SNX8: variants seen among roughly 807,000 people sequenced by gnomAD.
The protein encoded by SNX8 is sorting nexin-8.
Under a neutral mutation model 51.6 loss-of-function variants are expected in SNX8, and 25 were observed. That is an observed-to-expected ratio of 0.48 (90% CI 0.35 to 0.68). The LOEUF is 0.68. Among genes scored for constraint, SNX8 ranks in the 30% least tolerant of loss-of-function variants. The pLI is 0.00. For synonymous variants in SNX8, 324 were observed against 277.0 expected (o/e 1.17, Z -1.68); for missense variants, 695 against 624.0 (o/e 1.11, Z -1.21).
intron 1 of SNX8, among the ~76,000 whole-genome samples, chr7:2,287,361 A>C (rs1178279670): frequency 2.6e-5 from 4 of 151,874 alleles, no homozygotes; most frequent in African/African-American, 4.8e-5. Context: ...AGGTGGATCC[A>C]TTGAGTGAGG....
intron 1 of SNX8, among the ~76,000 whole-genome samples, chr7:2,329,885 T>C (rs1583116384): frequency 6.6e-6 from 1 of 151,122 alleles, no homozygotes; most frequent in Non-Finnish European, 1.5e-5. Context: ...TGGAGTGCAG[T>C]GGTGCGATCT....
At chr7:2,332,358 C>G (rs1180765827) in intron 1 of SNX8, among the ~76,000 whole-genome samples, 1 of 152,050 alleles carries the variant, frequency 6.6e-6, no homozygotes, top group Non-Finnish European at 1.5e-5. Context: ...ATCCTCAGTG[C>G]AGTTCTAGTC....
At chr7:2,303,036 C>T (rs1204058844) in intron 1 of SNX8, among the ~76,000 whole-genome samples, 6 of 151,448 alleles carry the variant, frequency 4.0e-5, no homozygotes, top group Non-Finnish European at 7.4e-5. Flanking sequence ...CCAGGCCAGC[C>T]GCCCCGTCCA....
intron 1 of SNX8, chr7:2,288,506 T>C (rs1319168215): frequency 2.3e-4 from 39 of 166,456 alleles, no homozygotes. Context: ...TCCCCTCCTC[T>C]CCCTTTCCCT....
chr7:2,333,016 C>T (rs563462019), intron 1 of SNX8, among the ~76,000 whole-genome samples: 1 of 151,994 alleles, frequency 6.6e-6, no homozygotes, highest in African/African-American at 2.4e-5. Context: ...CACCTATAGT[C>T]CCAACACTTT....
At chr7:2,333,256 C>T (rs1583119189) in intron 1 of SNX8, among the ~76,000 whole-genome samples, 1 of 151,906 alleles carries the variant, frequency 6.6e-6, no homozygotes. Flanking sequence ...ATAGTGAGGC[C>T]CCCTCTTTAC....
intron 1 of SNX8, among the ~76,000 whole-genome samples, chr7:2,343,431 C>T (rs1018539206): frequency 6.6e-6 from 1 of 151,634 alleles, no homozygotes; most frequent in Non-Finnish European, 1.5e-5. Flanking sequence ...ATCCCAGCAC[C>T]TTGGGAGGCC....
chr7:2,347,921 C>T (rs1389957753), intron 1 of SNX8, among the ~76,000 whole-genome samples: 3 of 151,958 alleles, frequency 2.0e-5, no homozygotes, highest in African/African-American at 4.8e-5. Flanking sequence ...AGATTACAGG[C>T]GTGAGCCACC....
At chr7:2,260,159 G>A (rs1329674058) in intron 7 of SNX8, among the ~76,000 whole-genome samples, 1 of 152,068 alleles carries the variant, frequency 6.6e-6, no homozygotes, top group Non-Finnish European at 1.5e-5. Context: ...GCAGTGGCAT[G>A]ATCTCAGCTC....
chr7:2,288,657 C>T (rs1017669646), intron 1 of SNX8, among the ~76,000 whole-genome samples: 1 of 152,106 alleles, frequency 6.6e-6, no homozygotes, highest in African/African-American at 2.4e-5. Flanking sequence ...AGCATCGATG[C>T]CCACTCAGAA....
At chr7:2,337,988 A>G (rs2115242817) in intron 1 of SNX8, among the ~76,000 whole-genome samples, 1 of 152,290 alleles carries the variant, frequency 6.6e-6, no homozygotes, top group Admixed American at 6.6e-5. Context: ...TCTGTATTTA[A>G]GGATCTAGCT....
intron 1 of SNX8, among the ~76,000 whole-genome samples, chr7:2,283,129 A>C (rs58789044): frequency 6.6e-6 from 1 of 152,094 alleles, no homozygotes; most frequent in Non-Finnish European, 1.5e-5. Context: ...TCAAAAAAAA[A>C]AAAAGAAACA....
intron 9 of SNX8, among the ~76,000 whole-genome samples, 161 bp downstream of exon 9, chr7:2,257,204 G>A (rs572186382): frequency 1.3e-5 from 2 of 152,162 alleles, no homozygotes; most frequent in African/African-American, 2.4e-5. Flanking sequence ...GAGCCGCATC[G>A]CTCTGGGCAC....
intron 1 of SNX8, chr7:2,310,030 G>A (rs1227031684): frequency 5.3e-6 from 2 of 375,146 alleles, no homozygotes; most frequent in South Asian, 4.0e-5. Context: ...CATGGGATGA[G>A]CCGCAAGTGA....
chr7:2,257,793 T>C lies in SNX8; in HGVS notation c.926A>G (p.Glu309Gly). The C allele has an allele frequency of 1.2e-6, 2 of 1,613,988 alleles. No homozygotes were observed. The highest frequency in any genetic ancestry group is 2.2e-5 in the South Asian group (2 of 91,082). The stretch of plus-strand genomic sequence containing the variant: ...CAGCTTCTCCACCACGTCGTTCTCT[T>C]CCTGCTTACCCTGGAAGGCGAGGGG... ...ADKAAQQGKQEENDVVEKLNL... is the reference protein window; with the variant it reads ...ADKAAQQGKQGENDVVEKLNL... The change falls in exon 8 of 11, where the codon GAA (glutamate) becomes GGA (glycine). Residue 309 changes from glutamate (E) to glycine (G), a missense_variant. Physicochemically the swap from Glu to Gly is moderately conservative, Grantham distance 98. Coordinates refer to ENST00000222990, the MANE Select transcript of SNX8 (RefSeq NM_013321.4).
chr7:2,290,695 G>A (rs1181504304), intron 1 of SNX8, among the ~76,000 whole-genome samples: 1 of 152,186 alleles, frequency 6.6e-6, no homozygotes, highest in Non-Finnish European at 1.5e-5. Context: ...AGGTCTCATG[G>A]TGATGGGGAC....
chr7:2,340,094 G>A (rs1222214492), intron 1 of SNX8, among the ~76,000 whole-genome samples: 6 of 149,062 alleles, frequency 4.0e-5, no homozygotes, highest in Admixed American at 6.8e-5. Context: ...ACAGAGTTCC[G>A]CTCTTATTGT....
chr7:2,317,723 G>C (rs528384432), upstream of SNX8, among the ~76,000 whole-genome samples: 1 of 152,136 alleles, frequency 6.6e-6, no homozygotes, highest in South Asian at 2.1e-4. Flanking sequence ...ACCCTGCCTC[G>C]GTAACAGATG....
chr7:2,302,500 T>G (rs540958320), intron 1 of SNX8, among the ~76,000 whole-genome samples: 1 of 152,122 alleles, frequency 6.6e-6, no homozygotes, highest in Admixed American at 6.5e-5. Context: ...AGTGCCGAGA[T>G]TGCAGCCTCT....
Sources: gnomAD v4.1 joint callset for allele counts (sites outside exome capture counted in the v4.1 genomes callset) on GRCh38, gnomAD v4.1.1 for gene constraint, MANE v1.5 for transcripts, NCBI Gene and HGNC (gene_info 2026-07-23, HGNC 2026-07-21) for gene names.